Variants in ANKRD26 observed in about 807,000 individuals in gnomAD.
ANKRD26 encodes ankyrin repeat domain 26.
In ANKRD26, 141 loss-of-function variants were observed where a neutral mutation model predicts 208.7. That is an observed-to-expected ratio of 0.68 (90% CI 0.59 to 0.78). The LOEUF (loss-of-function observed/expected upper bound fraction) is 0.78. Ranked by LOEUF, ANKRD26 falls within the 30% of genes least tolerant of loss-of-function variation. The pLI is 0.00. For missense variants in ANKRD26, 1,889 were observed against 1,938.7 expected (o/e 0.97, Z 0.48); for synonymous variants, 636 against 660.4 (o/e 0.96, Z 0.57).
In ANKRD26 at chr10:27,006,802, T is replaced by A. The variant is rs1049669794; in HGVS notation, c.4999+115A>T. On this transcript the variant is annotated intron_variant, in intron 33 of 33. Coordinates refer to ENST00000376087, the MANE Select transcript of ANKRD26 (RefSeq NM_014915.3). ...CATTAGATGTGTGTAAGAAAGAACA[T>A]TTAATGTAGTATCTATTAGCCAAAC... 27 of 801,274 alleles carry A rather than the reference T, an allele frequency of 3.4e-5. No homozygotes were observed. In the South Asian group the frequency reaches 3.8e-4, roughly 11 times the overall value. 49.6% of individuals were successfully genotyped at this position (801,274 alleles called of 1,614,324 possible). A position where few individuals can be genotyped will look rare whatever the true frequency, so the allele number is the denominator to read the frequency against.
intron 25 of ANKRD26, among the ~76,000 whole-genome samples, chr10:27,031,080 G>T (rs1398482768): frequency 6.6e-6 from 1 of 152,212 alleles, no homozygotes; most frequent in African/African-American, 2.4e-5. Context: ...TCCGAAAGGA[G>T]GGGGAATTGT....
At chr10:27,063,768 T>C (rs1234609505) in intron 12 of ANKRD26, among the ~76,000 whole-genome samples, 1 of 152,226 alleles carries the variant, frequency 6.6e-6, no homozygotes, top group Non-Finnish European at 1.5e-5. Context: ...GGTCTTAATG[T>C]ATTTTGAAAT....
At chr10:27,037,532 G>A (rs187983047) in intron 22 of ANKRD26, among the ~76,000 whole-genome samples, 11 of 152,108 alleles carry the variant, frequency 7.2e-5, no homozygotes, top group Non-Finnish European at 1.2e-4. Context: ...ATAAATACAG[G>A]CAAATATAGA....
intron 5 of ANKRD26, among the ~76,000 whole-genome samples, chr10:26,979,058 TA>T (rs2052269128): frequency 6.6e-6 from 1 of 152,056 alleles, no homozygotes; most frequent in Non-Finnish European, 1.5e-5. Context: ...CCATCTCTAC[TA>T]AAAATACAAA....
At chr10:27,084,392 T>C (rs971418021) in intron 5 of ANKRD26, among the ~76,000 whole-genome samples, 8 of 152,162 alleles carry the variant, frequency 5.3e-5, no homozygotes, top group African/African-American at 1.9e-4. Flanking sequence ...TCTATTCTAT[T>C]ATGAAAACTT....
intron 16 of ANKRD26, chr10:27,051,728 G>C: frequency 4.1e-6 from 4 of 985,288 alleles, no homozygotes; most frequent in Non-Finnish European, 4.8e-6. Flanking sequence ...GCAATGCCTG[G>C]AATAGTACAG....
chr10:26,976,609 A>G (rs947459269), intron 5 of ANKRD26, among the ~76,000 whole-genome samples: 42 of 152,106 alleles, frequency 2.8e-4, no homozygotes, highest in African/African-American at 9.2e-4. Flanking sequence ...GTACAATGAT[A>G]ATGACTTTCT....
At chr10:27,042,688 C>G (rs926148041) in intron 20 of ANKRD26, among the ~76,000 whole-genome samples, 16 of 151,394 alleles carry the variant, frequency 1.1e-4, no homozygotes, top group Non-Finnish European at 1.2e-4. Context: ...AGGAGGCAGA[C>G]CTTGCAGTGA....
chr10:27,077,317 G>GT (rs756519260), intron 9 of ANKRD26, 21 bp downstream of exon 9: 4 of 1,593,206 alleles, frequency 2.5e-6, no homozygotes, highest in African/African-American at 2.7e-5. Context: ...CATGAAAAAA[G>GT]TTTTTTAAAA....
In ANKRD26 at chr10:27,005,405, T is replaced by C; in HGVS notation, c.*185A>G. The C allele has an allele frequency of 1.5e-6, 2 of 1,333,496 alleles. No individual in the cohort carries two copies. Among genetic ancestry groups the C allele is most frequent in the Non-Finnish European group, 9.6e-7 (1 of 1,043,262 alleles). The allele number at this position is 1,333,496 out of a possible 1,614,324, so 82.6% of individuals were successfully genotyped here. On this transcript the variant is annotated 3_prime_UTR_variant, in exon 34 of 34. Coordinates refer to ENST00000376087, the MANE Select transcript of ANKRD26 (RefSeq NM_014915.3). ...GTATGTAAAACTCAATATTCCTGGTTTTCATTGGCAAAATCCACTTAAAAG... is the reference window on the plus strand; with the variant it reads ...GTATGTAAAACTCAATATTCCTGGTCTTCATTGGCAAAATCCACTTAAAAG...
the ANKRD26 span, among the ~76,000 whole-genome samples, chr10:26,963,788 C>T: frequency 6.6e-6 from 1 of 151,684 alleles, no homozygotes; most frequent in East Asian, 1.9e-4. Flanking sequence ...CTTATAATAC[C>T]TAATACAATG....
the ANKRD26 span, among the ~76,000 whole-genome samples, chr10:26,958,771 A>T: frequency 6.6e-6 from 1 of 152,148 alleles, no homozygotes; most frequent in Non-Finnish European, 1.5e-5. Context: ...CAATGAACAT[A>T]CACGTCTATG....
At chr10:26,955,863 T>C in the ANKRD26 span, among the ~76,000 whole-genome samples, 1 of 152,268 alleles carries the variant, frequency 6.6e-6, no homozygotes, top group Non-Finnish European at 1.5e-5. Flanking sequence ...ACTGTATTTT[T>C]TTCAATCTCC....
intron 28 of ANKRD26, 55 bp downstream of exon 28, chr10:27,024,391 AT>A: frequency 1.0e-6 from 1 of 954,780 alleles, no homozygotes; most frequent in South Asian, 1.5e-5. Context: ...ACAAAGTAAA[AT>A]TATATTAAAT....
At chr10:27,085,794 A>G (rs543264200) in intron 5 of ANKRD26, among the ~76,000 whole-genome samples, 1 of 152,026 alleles carries the variant, frequency 6.6e-6, no homozygotes, top group Non-Finnish European at 1.5e-5. Context: ...AGCAGGACCA[A>G]CCTCTCATCT....
intron 12 of ANKRD26, among the ~76,000 whole-genome samples, chr10:27,062,999 C>T (rs1327781654): frequency 6.6e-6 from 1 of 152,116 alleles, no homozygotes; most frequent in Non-Finnish European, 1.5e-5. Flanking sequence ...AACTCCTGAC[C>T]TCAGGTGATC....
intron 29 of ANKRD26, among the ~76,000 whole-genome samples, chr10:27,021,272 T>C (rs914128818): frequency 1.3e-5 from 2 of 152,242 alleles, no homozygotes; most frequent in Non-Finnish European, 2.9e-5. Flanking sequence ...ATCCCTTTGA[T>C]ATGCTGATTT....
chr10:27,021,923 T>G (rs1370834957), intron 29 of ANKRD26, among the ~76,000 whole-genome samples: 1 of 152,210 alleles, frequency 6.6e-6, no homozygotes, highest in Non-Finnish European at 1.5e-5. Context: ...TGTAAGTTCC[T>G]TATAGATGCC....
At chr10:27,039,939 AT>A (rs772310367) in intron 21 of ANKRD26, 25 bp downstream of exon 21, 2 of 1,594,950 alleles carry the variant, frequency 1.3e-6, no homozygotes, top group Middle Eastern at 3.7e-4. Flanking sequence ...ATAGTTAAAC[AT>A]TTCTTTAAAA....
Sources: gnomAD v4.1 joint callset for allele counts (sites outside exome capture counted in the v4.1 genomes callset) on GRCh38, gnomAD v4.1.1 for gene constraint, MANE v1.5 for transcripts, NCBI Gene and HGNC (gene_info 2026-07-23, HGNC 2026-07-21) for gene names.